The following ZC3H3 variants were observed in gnomAD, a reference collection of about 807,000 sequenced individuals.
The protein encoded by ZC3H3 is zinc finger CCCH domain-containing protein 3.
A neutral mutation model predicts 77.3 loss-of-function variants in ZC3H3; 36 were observed. The observed-to-expected ratio is 0.47, with a 90% CI of 0.36 to 0.61. The LOEUF (loss-of-function observed/expected upper bound fraction) is 0.61, where lower values mean the gene tolerates loss of function less well. ZC3H3 is among the 20% of genes least tolerant of loss of function. The pLI, the probability that ZC3H3 is intolerant of heterozygous loss-of-function variation, is 0.00. For missense variants in ZC3H3, 1,331 were observed against 1,312.2 expected (o/e 1.01, Z -0.22); for synonymous variants, 626 against 555.2 (o/e 1.13, Z -1.79).
chr8:143,484,959 A>G (rs1821012477), intron 4 of ZC3H3: 1 of 434,480 alleles, frequency 2.3e-6, no homozygotes, highest in African/African-American at 2.0e-5. Context: ...TGCAAAAACC[A>G]CGGGAAAACC....
intron 9 of ZC3H3, among the ~76,000 whole-genome samples, chr8:143,461,164 A>G (rs371257063): frequency 6.6e-6 from 1 of 152,374 alleles, no homozygotes; most frequent in African/African-American, 2.4e-5. Flanking sequence ...TGAATTGTAC[A>G]CTAAAATGGG....
At chr8:143,440,493 C>T (rs751194915) in intron 10 of ZC3H3, 130 bp from the exon 11 acceptor site, 10 of 1,417,724 alleles carry the variant, frequency 7.1e-6, no homozygotes, top group Non-Finnish European at 9.2e-6. Flanking sequence ...GCTGGAGGCA[C>T]AGGTCAGGCC....
chr8:143,449,566 C>CAAAATACAAAATACAAAATA (rs1819937282), intron 9 of ZC3H3, among the ~76,000 whole-genome samples: 1 of 152,276 alleles, frequency 6.6e-6, no homozygotes, highest in African/African-American at 2.4e-5. Context: ...CACTAAAACC[C>CAAAATACAAAATACAAAATA]CATCTCTACC....
At chr8:143,505,708 C>T (rs975712801) in intron 4 of ZC3H3, among the ~76,000 whole-genome samples, 1 of 152,218 alleles carries the variant, frequency 6.6e-6, no homozygotes, top group East Asian at 1.9e-4. Context: ...ACATGTGCAT[C>T]CTGGGGCGGA....
chr8:143,460,847 C>T lies in ZC3H3; in HGVS notation c.2307+4870G>A, dbSNP rs187799597. Among the ~76,000 whole-genome samples the T allele has an allele frequency of 1.3e-3, 192 of 152,176 alleles. No individual in the cohort carries two copies. The highest frequency in any genetic ancestry group is 4.5e-3 in the African/African-American group (185 of 41,496). ...GCTAGACCCTGGAAACATTACGCTGCGTGAAAGACGCCAGACACCAAAGGA... is the reference window on the plus strand; with the variant it reads ...GCTAGACCCTGGAAACATTACGCTGTGTGAAAGACGCCAGACACCAAAGGA... On this transcript the variant is annotated intron_variant, in intron 9 of 11. Coordinates refer to ENST00000262577, the MANE Select transcript of ZC3H3 (RefSeq NM_015117.3). This position sits in a 1 kb window ranked among gnomAD's most constrained non-coding sequence, Gnocchi z 4.0.
intron 3 of ZC3H3, among the ~76,000 whole-genome samples, chr8:143,516,111 A>G (rs1485224344): frequency 6.6e-6 from 1 of 152,206 alleles, no homozygotes; most frequent in Admixed American, 6.5e-5. Context: ...CGCAATGGCA[A>G]CCGAGGCAGG....
chr8:143,451,232 G>T (rs546652820), intron 9 of ZC3H3, among the ~76,000 whole-genome samples: 1 of 152,196 alleles, frequency 6.6e-6, no homozygotes, highest in South Asian at 2.1e-4. Context: ...AAGCAGGAGG[G>T]AAATAATAAA....
In ZC3H3 at chr8:143,492,756, C is replaced by A. The variant is rs910036162; in HGVS notation, c.1715+14990G>T. 8.4e-3 allele frequency among the ~76,000 whole-genome samples: 1,151 copies of A among 136,542 alleles called. 7 individuals are homozygous for A. The highest frequency in any genetic ancestry group is 0.031 in the African/African-American group (1,072 of 34,994). The allele number at this position is 136,542 out of a possible 152,430, so 89.6% of individuals were successfully genotyped here. A position where few individuals can be genotyped will look rare whatever the true frequency, so the allele number is the denominator to read the frequency against. On this transcript the variant is annotated intron_variant, in intron 4 of 11. Transcript: ENST00000262577. ...CCCTCCTCAGGCTCCCGTGTCCTGG[C>A]CCAGGGGCTCCCTCCTCAGGGTCCC...
At chr8:143,441,476 G>A (rs1010312938) in intron 9 of ZC3H3, among the ~76,000 whole-genome samples, 2 of 152,184 alleles carry the variant, frequency 1.3e-5, no homozygotes, top group Non-Finnish European at 2.9e-5. Flanking sequence ...CATCCTGGCA[G>A]CACAGAGGGA....
At chr8:143,452,232 C>A (rs1022949223) in intron 9 of ZC3H3, among the ~76,000 whole-genome samples, 1 of 152,242 alleles carries the variant, frequency 6.6e-6, no homozygotes, top group African/African-American at 2.4e-5. Flanking sequence ...ACATTCACCC[C>A]TTCTCCATCC....
At chr8:143,523,525 C>G in intron 3 of ZC3H3, 2 of 985,466 alleles carry the variant, frequency 2.0e-6, no homozygotes, top group Non-Finnish European at 2.4e-6. Flanking sequence ...CTCAGGACAA[C>G]TGCCACCATC....
At chr8:143,442,213 A>G (rs1054982311) in intron 9 of ZC3H3, among the ~76,000 whole-genome samples, 1 of 151,096 alleles carries the variant, frequency 6.6e-6, no homozygotes, top group African/African-American at 2.4e-5. Context: ...CCCCCGCCAT[A>G]CCCCCAGGTG....
chr8:143,463,747 C>T (rs1293078043), intron 9 of ZC3H3, among the ~76,000 whole-genome samples: 1 of 152,154 alleles, frequency 6.6e-6, no homozygotes, highest in East Asian at 1.9e-4. Context: ...TCTGCGTCTC[C>T]GGGTCTGGGC....
intron 4 of ZC3H3, among the ~76,000 whole-genome samples, chr8:143,477,208 C>T (rs191144523): frequency 6.6e-5 from 10 of 152,324 alleles, no homozygotes; most frequent in East Asian, 1.9e-4. Context: ...AGAGAGAGCC[C>T]GGTGCCGGGG....
chr8:143,505,141 G>T (rs1821648748), intron 4 of ZC3H3, among the ~76,000 whole-genome samples: 1 of 152,204 alleles, frequency 6.6e-6, no homozygotes. Context: ...GACTGCTGGG[G>T]CTTGCCCGCC....
chr8:143,538,741 C>T lies in ZC3H3; in HGVS notation c.626G>A (p.Gly209Asp). The T allele has an allele frequency of 1.2e-6, 2 of 1,610,458 alleles. No individual in the cohort carries two copies. Among genetic ancestry groups the T allele is most frequent in the African/African-American group, 1.3e-5 (1 of 75,072 alleles). The change falls in exon 2 of 12, where the codon GGC (glycine) becomes GAC (aspartate). Residue 209 changes from glycine to aspartate, a missense_variant. Gly to Asp is a moderately conservative substitution (Grantham distance 94). Transcript: ENST00000262577. ...PRMVKSVGSV[G>D]DSPREPRRTV... ...CCGGCGGGGCTCCCGGGGGCTGTCG[C>T]CCACACTGCCCACTGACTTCACCAT...
Position 143,530,457 on chromosome 8 carries a change from T to C in ZC3H3, c.1561+5800A>G, listed in dbSNP as rs1822566437. The stretch of plus-strand genomic sequence containing the variant: ...TCCCTGGCGTAAAATAGCAGACGTT[T>C]CCATGTGGCTGGTAGGAATCCCATC... On this transcript the variant is annotated intron_variant, in intron 3 of 11. Coordinates refer to ENST00000262577, the MANE Select transcript of ZC3H3 (RefSeq NM_015117.3). This position sits in a 1 kb window ranked among gnomAD's most constrained non-coding sequence, Gnocchi z 4.3. 6.6e-6 allele frequency among the ~76,000 whole-genome samples: 1 copy of C among 152,034 alleles called. No individual in the cohort carries two copies. The highest frequency in any genetic ancestry group is 1.9e-4 in the East Asian group (1 of 5,174).
chr8:143,459,245 T>C (rs1394827031), intron 9 of ZC3H3, among the ~76,000 whole-genome samples: 2 of 152,104 alleles, frequency 1.3e-5, no homozygotes. Context: ...CAGCAACACA[T>C]TAAAAGGATT....
intron 4 of ZC3H3, among the ~76,000 whole-genome samples, chr8:143,485,301 G>A (rs1355511525): frequency 1.3e-5 from 2 of 152,338 alleles, no homozygotes; most frequent in South Asian, 4.1e-4. Context: ...CCTTGGTGAG[G>A]CCGAGAACCC....
Sources: gnomAD v4.1 joint callset for allele counts (sites outside exome capture counted in the v4.1 genomes callset) on GRCh38, gnomAD v4.1.1 for gene constraint, Gnocchi (gnomAD v3.1) non-coding constraint, MANE v1.5 for transcripts, NCBI Gene and HGNC (gene_info 2026-07-23, HGNC 2026-07-21) for gene names.